COL4A6: variants seen among roughly 807,000 people sequenced by gnomAD.
COL4A6 encodes the protein collagen type IV alpha 6 chain.
A neutral mutation model predicts 126.7 loss-of-function variants in COL4A6; 59 were observed. The ratio of observed to expected loss-of-function variants is 0.47; its 90% CI spans 0.38 to 0.58. The LOEUF (loss-of-function observed/expected upper bound fraction) is 0.58. COL4A6 is among the 20% of genes least tolerant of loss of function. COL4A6 has a pLI of 0.00. For synonymous variants in COL4A6, 547 were observed against 496.6 expected (o/e 1.10, Z -1.35); for missense variants, 1,285 against 1,337.3 (o/e 0.96, Z 0.61).
intron 2 of COL4A6, among the ~76,000 whole-genome samples, chrX:108,385,822 C>T (rs2040675186): frequency 1.8e-5 from 2 of 110,488 alleles, no homozygotes; most frequent in African/African-American, 6.6e-5. Flanking sequence ...CACCCATCAA[C>T]CCCTCATCTA....
chrX:108,339,458 A>T (rs2039508844), intron 2 of COL4A6, among the ~76,000 whole-genome samples: 1 of 111,120 alleles, frequency 9.0e-6, no homozygotes, highest in African/African-American at 3.3e-5. Flanking sequence ...TTAACCTCAG[A>T]AATTCAGTTC....
At chrX:108,177,098 T>C (rs2034523351) in intron 27 of COL4A6, 87 bp from the exon 28 acceptor site, 1 of 896,100 alleles carries the variant, frequency 1.1e-6, no homozygotes, top group Admixed American at 3.0e-5. Flanking sequence ...TAGCTTCTGA[T>C]TGGTTTGGCT....
chrX:108,287,554 T>C (rs142596271), intron 3 of COL4A6, among the ~76,000 whole-genome samples: 108 of 111,723 alleles, frequency 9.7e-4, no homozygotes, highest in African/African-American at 3.2e-3. Flanking sequence ...TGATGCTATG[T>C]GAGTTATAAA....
At chrX:108,189,228 T>C (rs758547389) in intron 20 of COL4A6, among the ~76,000 whole-genome samples, 29 of 111,871 alleles carry the variant, frequency 2.6e-4, no homozygotes, top group Non-Finnish European at 4.9e-4. Context: ...GGGCCCCTTC[T>C]TACTTTAAGA....
chrX:108,347,424 C>T (rs1196776100), intron 2 of COL4A6, among the ~76,000 whole-genome samples: 2 of 112,048 alleles, frequency 1.8e-5, no homozygotes, highest in Non-Finnish European at 3.8e-5. Context: ...TAAGCAACTC[C>T]TAATTAAGAG....
In COL4A6 at chrX:108,178,842, A is replaced by G; in HGVS notation, c.2357T>C (p.Val786Ala). The change falls in exon 27 of 45, where the codon GTG becomes GCG. Residue 786 changes from valine to alanine, a missense_variant. By Grantham distance (64) the Val-to-Ala change is moderately conservative. Coordinates refer to ENST00000334504, the MANE Select transcript of COL4A6 (RefSeq NM_033641.4). ...GDSGLPGLKGVHGKPGLLGPK... is the reference protein window; with the variant it reads ...GDSGLPGLKGAHGKPGLLGPK... ...GCCTAGTAAGCCAGGCTTCCCGTGC[A>G]CACCTGATAAAAGAAAAGGGCAAAT... The G allele has an allele frequency of 8.3e-7, 1 of 1,204,439 alleles. No homozygotes were observed. Among genetic ancestry groups the G allele is most frequent in the South Asian group, 1.8e-5 (1 of 55,629 alleles).
chrX:108,305,044 C>A (rs1475252455), intron 3 of COL4A6, among the ~76,000 whole-genome samples: 1 of 111,797 alleles, frequency 8.9e-6, no homozygotes, highest in African/African-American at 3.3e-5. Flanking sequence ...ACTGTCTCTG[C>A]CCTTTAATTG....
chrX:108,367,049 A>G (rs1405696242), intron 2 of COL4A6, among the ~76,000 whole-genome samples: 2 of 112,307 alleles, frequency 1.8e-5, no homozygotes, highest in Non-Finnish European at 3.8e-5. Flanking sequence ...CAGATCATGA[A>G]ACAAGTGTTA....
At chrX:108,363,117 G>A (rs180819649) in intron 2 of COL4A6, among the ~76,000 whole-genome samples, 15 of 112,280 alleles carry the variant, frequency 1.3e-4, no homozygotes, top group Non-Finnish European at 2.6e-4. Context: ...ACTAGCACAC[G>A]AGAGAGTGGA....
At chrX:108,295,796 T>C (rs767884176) in intron 3 of COL4A6, among the ~76,000 whole-genome samples, 1 of 111,881 alleles carries the variant, frequency 8.9e-6, no homozygotes, top group South Asian at 3.8e-4. Context: ...AAATTATGGA[T>C]GTTTTCTTGG....
intron 3 of COL4A6, among the ~76,000 whole-genome samples, chrX:108,288,370 A>T (rs1456497146): frequency 1.8e-5 from 2 of 112,013 alleles, no homozygotes; most frequent in Admixed American, 9.5e-5. Flanking sequence ...TGACAAAAAA[A>T]GTACATTTTT....
Position 108,157,111 on chromosome X carries a change from G to T in COL4A6, c.4962C>A (p.Thr1654=). ...YFANKYSFWL[T]TVEERQQFGE... ...CAAACTGCTGCCTCTCCTCCACTGT[G>T]GTCAACCAGAAACTGTACTTGTTTG... Residue 1654 remains threonine (T), a synonymous_variant, in exon 45 of 45, where the codon ACC becomes ACA. Coordinates refer to ENST00000334504, the MANE Select transcript of COL4A6 (RefSeq NM_033641.4). 8.3e-7 allele frequency: 1 copy of T among 1,211,839 alleles called. No individual in the cohort carries two copies. The highest frequency in any genetic ancestry group is 1.7e-5 in the African/African-American group (1 of 57,850).
intron 2 of COL4A6, among the ~76,000 whole-genome samples, chrX:108,430,496 C>A (rs1321636397): frequency 9.0e-6 from 1 of 111,582 alleles, no homozygotes; most frequent in Non-Finnish European, 1.9e-5. Context: ...TCAGAAGATA[C>A]CATAATTGGG....
At chrX:108,207,232 G>A (rs1167246941) in intron 8 of COL4A6, among the ~76,000 whole-genome samples, 1 of 108,751 alleles carries the variant, frequency 9.2e-6, no homozygotes, top group African/African-American at 3.4e-5. Context: ...AAAATAGGAT[G>A]GATTAAACAC....
At chrX:108,299,783 G>T (rs1410661735) in intron 3 of COL4A6, among the ~76,000 whole-genome samples, 2 of 111,950 alleles carry the variant, frequency 1.8e-5, no homozygotes, top group Admixed American at 9.4e-5. Context: ...AAGGTGTAAA[G>T]GCTGTCATAG....
At chrX:108,227,093 C>A (rs1952803123) in intron 3 of COL4A6, among the ~76,000 whole-genome samples, 1 of 111,844 alleles carries the variant, frequency 8.9e-6, no homozygotes, top group African/African-American at 3.3e-5. Context: ...TACCCCCACC[C>A]AATGTGTGGG....
At chrX:108,350,844 C>A (rs1305645878) in intron 2 of COL4A6, among the ~76,000 whole-genome samples, 1 of 111,110 alleles carries the variant, frequency 9.0e-6, no homozygotes, top group Non-Finnish European at 1.9e-5. Context: ...GTACTGACTC[C>A]GTTTCTGGTT....
At chrX:108,393,245 C>T (rs7890265) in intron 2 of COL4A6, among the ~76,000 whole-genome samples, 3 of 111,647 alleles carry the variant, frequency 2.7e-5, no homozygotes, top group Admixed American at 9.5e-5. Context: ...GTCCTTCAAC[C>T]GATGAATGGA....
intron 3 of COL4A6, among the ~76,000 whole-genome samples, chrX:108,259,189 C>G (rs1297889266): frequency 9.0e-6 from 1 of 110,763 alleles, no homozygotes; most frequent in Non-Finnish European, 1.9e-5. Flanking sequence ...GCTCCTCTTT[C>G]AGTAAGACCC....
Sources: allele counts gnomAD v4.1 joint callset (sites outside exome capture counted in the v4.1 genomes callset), GRCh38; gene constraint gnomAD v4.1.1; transcripts MANE v1.5; gene names NCBI Gene and HGNC (gene_info 2026-07-23, HGNC 2026-07-21).